Variants in FCRL4 observed in about 807,000 individuals in gnomAD.
FCRL4 encodes the protein Fc receptor-like protein 4.
Under a neutral mutation model 64.1 loss-of-function variants are expected in FCRL4, and 43 were observed. That is an observed-to-expected ratio of 0.67 (90% CI 0.53 to 0.87). The LOEUF is 0.87. Among genes scored for constraint, FCRL4 ranks in the 40% least tolerant of loss-of-function variants. The pLI is 0.00. For synonymous variants in FCRL4, 253 were observed against 239.8 expected (o/e 1.05, Z -0.51); for missense variants, 656 against 613.5 (o/e 1.07, Z -0.73).
In FCRL4 at chr1:157,587,850, A is replaced by G. The variant is rs1353813910; in HGVS notation, c.562+15T>C. ...TGTCATTACTAAGCAAATCTATATG[A>G]ACTGAAAGATTCACCTTGAATTTTA... On this transcript the variant is annotated intron_variant, in intron 4 of 11. Coordinates refer to ENST00000271532, the MANE Select transcript of FCRL4 (RefSeq NM_031282.3). The G allele has an allele frequency of 6.3e-7, 1 of 1,597,040 alleles. No homozygotes were observed. The highest frequency in any genetic ancestry group is 1.7e-5 in the Admixed American group (1 of 59,600).
In FCRL4 at chr1:157,574,591, C is replaced by T. The variant is rs1652358328; in HGVS notation, c.*933G>A. The T allele has an allele frequency of 9.6e-6, 2 of 207,336 alleles. No individual in the cohort carries two copies. Among genetic ancestry groups the T allele is most frequent in the Non-Finnish European group, 2.0e-5 (2 of 101,820 alleles). The allele number at this position is 207,336 out of a possible 1,614,324, so 12.8% of individuals were successfully genotyped here. On this transcript the variant is annotated 3_prime_UTR_variant, in exon 12 of 12. Transcript: ENST00000271532. ...TAAACTAATTAGTAACTCAAAGACA[C>T]AGTTCCTACAAGAAAAGCAACCTTA...
Position 157,586,341 on chromosome 1 carries a change from A to G in FCRL4, c.962T>C (p.Phe321Ser). The G allele has an allele frequency of 6.2e-7, 1 of 1,613,262 alleles. No individual in the cohort carries two copies. Residue 321 changes from phenylalanine (F) to serine (S), a missense_variant, in exon 6 of 12, where the codon TTC (phenylalanine) becomes TCC (serine). Phe to Ser is a radical substitution (Grantham distance 155). Transcript: ENST00000271532. The stretch of plus-strand genomic sequence containing the variant: ...CTGCATGTCCTCTCGGTGCCAGGAG[A>G]ATGTGGTATCCCCTGTGCCTTCAGC... ...SVAEGTGDTTFSWHREDMQES... is the reference protein window; with the variant it reads ...SVAEGTGDTTSSWHREDMQES...
chr1:157,587,227 C>A, intron 5 of FCRL4, 49 bp downstream of exon 5: 2 of 1,594,230 alleles, frequency 1.3e-6, no homozygotes, highest in East Asian at 2.2e-5. Context: ...CCTACAGAGC[C>A]CAAGGGGCAG....
intron 2 of FCRL4, among the ~76,000 whole-genome samples, chr1:157,593,943 G>T (rs1337754124): frequency 1.2e-4 from 18 of 152,122 alleles, no homozygotes; most frequent in Admixed American, 1.2e-3. Flanking sequence ...AAGTGCTTTG[G>T]TAGGCTAATC....
intron 10 of FCRL4, among the ~76,000 whole-genome samples, chr1:157,578,039 G>A (rs555854272): frequency 1.3e-5 from 2 of 151,902 alleles, no homozygotes; most frequent in African/African-American, 4.8e-5. Context: ...AGTAATTAGA[G>A]GAATATAATA....
chr1:157,587,311 TGGATGTTACCCCTCACTGTTTCA>T lies in FCRL4; in HGVS notation c.789_811del (p.Glu264GlnfsTer31). On this transcript the variant is annotated frameshift_variant, in exon 5 of 12. Coordinates refer to ENST00000271532, the MANE Select transcript of FCRL4 (RefSeq NM_031282.3). LOFTEE classifies it high-confidence loss of function. ...GATCTGTAGCGAGGGACTGTGCTTG[TGGATGTTACCCCTCACTGTTTCA>T]GCACCACACCAATAGGATCCTGAGT... The T allele has an allele frequency of 6.2e-7, 1 of 1,614,232 alleles. No individual in the cohort carries two copies. Among genetic ancestry groups the T allele is most frequent in the Non-Finnish European group, 8.5e-7 (1 of 1,180,032 alleles).
intron 2 of FCRL4, among the ~76,000 whole-genome samples, chr1:157,595,595 C>G (rs1046163652): frequency 3.3e-5 from 5 of 152,234 alleles, no homozygotes; most frequent in African/African-American, 4.8e-5. Context: ...TTTCCCCATT[C>G]TAGAACCATT....
At chr1:157,590,037 C>T (rs1236465806) in intron 2 of FCRL4, among the ~76,000 whole-genome samples, 1 of 152,188 alleles carries the variant, frequency 6.6e-6, no homozygotes, top group Non-Finnish European at 1.5e-5. Flanking sequence ...GTCTCCTTCT[C>T]CCATACCAGG....
rs1274105261 is a variant in FCRL4 at position 157,581,657 on chromosome 1, G to A, written c.1136-13C>T. On this transcript the variant is annotated splice_polypyrimidine_tract_variant and intron_variant, in intron 6 of 11. Coordinates refer to ENST00000271532, the MANE Select transcript of FCRL4 (RefSeq NM_031282.3). ...TTGCCTGGGGTCTCTAAGGGGAAAG[G>A]ACCTGTGTGAATCTCAGTGGAGAGG... 1 of 1,604,338 alleles carries A rather than the reference G, an allele frequency of 6.2e-7. No individual in the cohort carries two copies. Among genetic ancestry groups the A allele is most frequent in the Admixed American group, 1.7e-5 (1 of 59,682 alleles).
intron 2 of FCRL4, among the ~76,000 whole-genome samples, chr1:157,594,217 T>A (rs1206380311): frequency 2.0e-5 from 3 of 152,232 alleles, no homozygotes; most frequent in Non-Finnish European, 2.9e-5. Context: ...AAATGAAGTA[T>A]TAACTTTCCC....
chr1:157,597,178 C>T (rs1246363701), intron 1 of FCRL4, among the ~76,000 whole-genome samples: 1 of 152,144 alleles, frequency 6.6e-6, no homozygotes, highest in Admixed American at 6.5e-5. Flanking sequence ...TCTGTGGTGC[C>T]CAGCAGTGTG....
chr1:157,578,692 G>A (rs1571134772), intron 9 of FCRL4, 78 bp downstream of exon 9: 1 of 1,476,656 alleles, frequency 6.8e-7, no homozygotes, highest in Non-Finnish European at 9.5e-7. Context: ...GGGAGTCCAG[G>A]GGCATTTCCC....
Position 157,587,566 on chromosome 1 carries a change from G to T in FCRL4, c.563-6C>A, listed in dbSNP as rs2101682967. 6.2e-7 allele frequency: 1 copy of T among 1,612,092 alleles called. No homozygotes were observed. The highest frequency in any genetic ancestry group is 1.1e-5 in the South Asian group (1 of 90,986). ...CTCTGGATGTGGAAATAGTTCTAGA[G>T]AGAAGAGGTAAGTCAAGTTCTGAGC... On this transcript the variant is annotated splice_region_variant and splice_polypyrimidine_tract_variant and intron_variant, in intron 4 of 11. Transcript: ENST00000271532.
chr1:157,588,131 A>T lies in FCRL4; in HGVS notation c.308-12T>A. On this transcript the variant is annotated splice_polypyrimidine_tract_variant and intron_variant, in intron 3 of 11. Transcript: ENST00000271532. ...CAGGATTAAGGAGTCTGGAAAAGAC[A>T]CAGAGAGGAGATCGTCATTCAAAGC... 6.3e-7 allele frequency: 1 copy of T among 1,590,346 alleles called. No homozygotes were observed. The highest frequency in any genetic ancestry group is 8.6e-7 in the Non-Finnish European group (1 of 1,168,842).
chr1:157,588,837 AC>A (rs1192993710), intron 3 of FCRL4, among the ~76,000 whole-genome samples: 2 of 152,230 alleles, frequency 1.3e-5, no homozygotes, highest in Admixed American at 1.3e-4. Context: ...GAGATTTCCC[AC>A]CTCTGAGCTC....
intron 2 of FCRL4, among the ~76,000 whole-genome samples, chr1:157,590,518 C>CTTT (rs143709985): frequency 1.5e-5 from 2 of 132,406 alleles, no homozygotes. Context: ...GTTAGTCTGT[C>CTTT]TTTTTTTTTT....
chr1:157,584,854 A>C lies in FCRL4; in HGVS notation c.1135+1314T>G, dbSNP rs570359596. ...AACAGTGCAGCTGTTTTTGGGGAGC[A>C]GTCCCCAAAATTTAGAAGTTGGAAA... On this transcript the variant is annotated intron_variant, in intron 6 of 11. Transcript: ENST00000271532. Among the ~76,000 whole-genome samples, 16 of 152,212 alleles carry C rather than the reference A, an allele frequency of 1.1e-4. No homozygotes were observed. The East Asian group carries it at 1.8e-3, about 17-fold the overall frequency.
chr1:157,588,070 C>G lies in FCRL4; in HGVS notation c.357G>C (p.Leu119Phe), dbSNP rs755030060. ...TCCTTCTTCTGTGGCATCTCAGAACCAATGTGTCACCTTCAAACACAGAAT... is the reference window on the plus strand; with the variant it reads ...TCCTTCTTCTGTGGCATCTCAGAACGAATGTGTCACCTTCAAACACAGAAT... ...APYSVFEGDTLVLRCHRRRKE... is the reference protein window; with the variant it reads ...APYSVFEGDTFVLRCHRRRKE... The change falls in exon 4 of 12, where the codon TTG (leucine) becomes TTC (phenylalanine). Residue 119 changes from leucine (L) to phenylalanine (F), a missense_variant. Transcript: ENST00000271532. 7 of 1,613,638 alleles carry G rather than the reference C, an allele frequency of 4.3e-6. No individual in the cohort carries two copies. The highest frequency in any genetic ancestry group is 5.9e-6 in the Non-Finnish European group (7 of 1,179,878).
At chr1:157,575,804 C>A in intron 10 of FCRL4, 74 bp from the exon 11 acceptor site, 1 of 1,482,178 alleles carries the variant, frequency 6.7e-7, no homozygotes, top group Non-Finnish European at 9.4e-7. Context: ...AGCTGATGCC[C>A]TAGAGTCTGA....
Sources: gnomAD v4.1 joint callset for allele counts (sites outside exome capture counted in the v4.1 genomes callset) on GRCh38, gnomAD v4.1.1 for gene constraint, MANE v1.5 for transcripts, NCBI Gene and HGNC (gene_info 2026-07-23, HGNC 2026-07-21) for gene names.